The following GJA3 variants were observed in gnomAD, a reference collection of about 807,000 sequenced individuals.
GJA3 encodes gap junction alpha-3 protein.
For synonymous variants in GJA3, 297 were observed against 292.6 expected, an observed-to-expected ratio of 1.02 and a Z score of -0.15; for missense variants, 571 against 620.3, an observed-to-expected ratio of 0.92 and a Z score of 0.84.
At chr13:20,152,322 A>T (rs887059148) in intron 1 of GJA3, among the ~76,000 whole-genome samples, 1 of 142,810 alleles carries the variant, frequency 7.0e-6, no homozygotes, top group Non-Finnish European at 1.6e-5. Context: ...GGAACGAGTC[A>T]CAGCCAAAAG....
intron 1 of GJA3, among the ~76,000 whole-genome samples, chr13:20,150,552 T>C (rs984277812): frequency 3.3e-5 from 5 of 152,218 alleles, no homozygotes; most frequent in African/African-American, 1.2e-4. Context: ...AGGTGTGCTT[T>C]GAAGTTGTTT....
In GJA3 at chr13:20,142,440, G is replaced by A. The variant is rs1484783419; in HGVS notation, c.849C>T (p.Arg283=). ...GCGGGGCCCCGGGGTAGCCCACGGC[G>A]CGGGCCTGTCCCAGGGGCGCAGCGG... The part of the protein sequence containing the change: ...AHTAAPLGQA[R]AVGYPGAPPP... The change falls in exon 2 of 2, where the codon CGC becomes CGT. Residue 283 remains arginine (R), a synonymous_variant. Transcript: ENST00000241125. 9.9e-6 allele frequency: 15 copies of A among 1,512,118 alleles called. No individual in the cohort carries two copies. Among genetic ancestry groups the A allele is most frequent in the Admixed American group, 2.1e-5 (1 of 46,708 alleles). The allele number at this position is 1,512,118 out of a possible 1,614,324, so 93.7% of individuals were successfully genotyped here. A position where few individuals can be genotyped will look rare whatever the true frequency, so the allele number is the denominator to read the frequency against.
At chr13:20,158,912 C>CAAAAAAAAAAAAAAAAAAAAAACAAA (rs1958920702) in intron 1 of GJA3, among the ~76,000 whole-genome samples, 1 of 54,980 alleles carries the variant, frequency 1.8e-5, no homozygotes. Flanking sequence ...GCAAAACTCT[C>CAAAAAAAAAAAAAAAAAAAAAACAAA]AAAAAAAAAA....
chr13:20,144,974 A>T (rs1958833478), intron 1 of GJA3, among the ~76,000 whole-genome samples: 1 of 152,216 alleles, frequency 6.6e-6, no homozygotes, highest in African/African-American at 2.4e-5. Flanking sequence ...TGAGGTCAGG[A>T]GTTCAAGAAT....
At chr13:20,158,929 A>AAAAAAAAAAAAAAAAAAAAAAAAAAAAG (rs1958921255) in intron 1 of GJA3, among the ~76,000 whole-genome samples, 1 of 150,746 alleles carries the variant, frequency 6.6e-6, no homozygotes, top group African/African-American at 2.4e-5. Context: ...AAAAAAAAAA[A>AAAAAAAAAAAAAAAAAAAAAAAAAAAAG]AAAAAAAGAA....
At position 20,142,216 on chromosome 13, in the gene GJA3, C is replaced by T; in HGVS notation, c.1073G>A (p.Ser358Asn). Residue 358 changes from serine to asparagine, a missense_variant, in exon 2 of 2, where the codon AGC becomes AAC. By Grantham distance (46) the Ser-to-Asn change is conservative. Transcript: ENST00000241125. ...AGCCTCGTGCGCGAGTGGCGGGGAGCTGCTGCCGACGGGGCTGGGGGCTGC... is the reference window on the plus strand; with the variant it reads ...AGCCTCGTGCGCGAGTGGCGGGGAGTTGCTGCCGACGGGGCTGGGGGCTGC... ...TPAAPSPVGS[S>N]SPPLAHEAEA... 1 of 1,514,182 alleles carries T rather than the reference C, an allele frequency of 6.6e-7. No individual in the cohort carries two copies. The highest frequency in any genetic ancestry group is 2.5e-5 in the East Asian group (1 of 39,364). 93.8% of individuals were successfully genotyped at this position (1,514,182 alleles called of 1,614,324 possible).
At chr13:20,154,351 G>C (rs1169963911) in intron 1 of GJA3, among the ~76,000 whole-genome samples, 1 of 152,152 alleles carries the variant, frequency 6.6e-6, no homozygotes, top group Non-Finnish European at 1.5e-5. Context: ...TTGTTCTGAA[G>C]AGTTTTTAAA....
rs150284910 is a variant in GJA3, at chr13:20,145,051, G to C, written c.-17-1746C>G. Among the ~76,000 whole-genome samples, 805 of 152,176 alleles carry C rather than the reference G, an allele frequency of 5.3e-3. 5 individuals carry two copies. The highest frequency in any genetic ancestry group is 0.018 in the African/African-American group (750 of 41,534). On this transcript the variant is annotated intron_variant, in intron 1 of 1. Transcript: ENST00000241125. ...CATAAGTTAGCCAGGCATGGTGGAG[G>C]GTGCCTGTAGTCCCAGCTACTTGGG...
Position 20,142,103 on chromosome 13 carries a change from G to A in GJA3, c.1186C>T (p.Gln396Ter). The change falls in exon 2 of 2, where the codon CAG becomes TAG. Residue 396 changes from glutamine (Q) to a stop codon, truncating the protein, a stop_gained. Coordinates refer to ENST00000241125, the MANE Select transcript of GJA3 (RefSeq NM_021954.4). LOFTEE classifies it low-confidence loss of function (END_TRUNC). ...ALAGTPEEEEQAVTTAAQMHQ... is the reference protein window; with the variant it reads ...ALAGTPEEEE ...ATCTGGGCCGCGGTGGTCACGGCCT[G>A]CTCCTCCTCCTCGGGGGTCCCTGCC... 7 of 1,547,886 alleles carry A rather than the reference G, an allele frequency of 4.5e-6. No individual in the cohort carries two copies. The highest frequency in any genetic ancestry group is 6.1e-6 in the Non-Finnish European group (7 of 1,146,098).
chr13:20,155,221 A>G (rs1958900936), intron 1 of GJA3, among the ~76,000 whole-genome samples: 1 of 152,128 alleles, frequency 6.6e-6, no homozygotes, highest in South Asian at 2.1e-4. Context: ...CGATTCTTAT[A>G]TGTTCATATT....
intron 1 of GJA3, among the ~76,000 whole-genome samples, chr13:20,160,517 C>A (rs1348308973): frequency 6.6e-6 from 1 of 152,154 alleles, no homozygotes; most frequent in African/African-American, 2.4e-5. Context: ...CCTGACGGTC[C>A]GGGACAGCCC....
intron 1 of GJA3, among the ~76,000 whole-genome samples, chr13:20,151,042 G>T (rs1163182994): frequency 7.1e-6 from 1 of 140,042 alleles, no homozygotes; most frequent in African/African-American, 2.6e-5. Flanking sequence ...GGGGCCCGGG[G>T]CCCAGCAGAG....
chr13:20,149,881 G>C (rs547767038), intron 1 of GJA3, among the ~76,000 whole-genome samples: 7 of 152,276 alleles, frequency 4.6e-5, no homozygotes, highest in African/African-American at 1.7e-4. Flanking sequence ...AAGAGTGGGA[G>C]CCCCTCAACA....
In GJA3 at chr13:20,139,699, G is replaced by A. The variant is rs967835909; in HGVS notation, c.*2282C>T. ...TCTACACTCCTATCCACTCTAAATGGACCCACTAGACTATGGTCAATGGTA... is the reference window on the plus strand; with the variant it reads ...TCTACACTCCTATCCACTCTAAATGAACCCACTAGACTATGGTCAATGGTA... On this transcript the variant is annotated 3_prime_UTR_variant, in exon 2 of 2. Coordinates refer to ENST00000241125, the MANE Select transcript of GJA3 (RefSeq NM_021954.4). 6.6e-6 allele frequency: 1 copy of A among 152,078 alleles called. No individual in the cohort carries two copies. Among genetic ancestry groups the A allele is most frequent in the African/African-American group, 2.4e-5 (1 of 41,408 alleles). The allele number at this position is 152,078 out of a possible 1,614,324, so 9.4% of individuals were successfully genotyped here.
intron 1 of GJA3, among the ~76,000 whole-genome samples, chr13:20,154,065 T>C (rs1958894543): frequency 6.6e-6 from 1 of 152,196 alleles, no homozygotes; most frequent in Non-Finnish European, 1.5e-5. Context: ...CCAACCTTGT[T>C]CTCCAAATGT....
In GJA3 at chr13:20,142,004, T is replaced by C. The variant is rs1450380240; in HGVS notation, c.1285A>G (p.Arg429Gly). The C allele has an allele frequency of 3.9e-6, 6 of 1,550,206 alleles. No individual in the cohort carries two copies. In the East Asian group the frequency reaches 9.8e-5, roughly 25 times the overall value. Residue 429 changes from arginine (R) to glycine (G), a missense_variant, in exon 2 of 2, where the codon AGA becomes GGA. Physicochemically the swap from Arg to Gly is moderately radical, Grantham distance 125 (BLOSUM62 -2). Transcript: ENST00000241125. The stretch of plus-strand genomic sequence containing the variant: ...CACTAGATGGCCAAGTCCTCCGGTC[T>C]GGCCCGCCCGCTGCTGGCCCTGCTG... ...KASRASSGRA[R>G]PEDLAI
chr13:20,156,359 TGGAGTG>T (rs1346611971), intron 1 of GJA3, among the ~76,000 whole-genome samples: 3 of 152,038 alleles, frequency 2.0e-5, no homozygotes, highest in African/African-American at 7.2e-5. Context: ...CAGGCTGGAG[TGGAGTG>T]GCATGATCTT....
intron 1 of GJA3, among the ~76,000 whole-genome samples, chr13:20,150,868 G>A (rs1958872918): frequency 6.6e-6 from 1 of 152,190 alleles, no homozygotes; most frequent in African/African-American, 2.4e-5. Flanking sequence ...GGATGGAGTA[G>A]GGAAAGGCCT....
Position 20,159,005 on chromosome 13 carries a change from T to G in GJA3, c.-18+1885A>C, listed in dbSNP as rs145885664. On this transcript the variant is annotated intron_variant, in intron 1 of 1. Transcript: ENST00000241125. ...GTTATCATGAGGAATTTTCCACCAC[T>G]GTAGGAATGAAAATTAAGATGAAAC... Among the ~76,000 whole-genome samples, 3 of 151,518 alleles carry G rather than the reference T, an allele frequency of 2.0e-5. No individual in the cohort carries two copies. In the East Asian group the frequency reaches 5.8e-4, roughly 29 times the overall value.
Sources: gnomAD v4.1 joint callset for allele counts (sites outside exome capture counted in the v4.1 genomes callset) on GRCh38, gnomAD v4.1.1 for gene constraint, MANE v1.5 for transcripts, NCBI Gene and HGNC (gene_info 2026-07-23, HGNC 2026-07-21) for gene names.